DBX2: variants seen among roughly 807,000 people sequenced by gnomAD.
The protein encoded by DBX2 is developing brain homeobox 2, also known as homeobox protein DBX2.
In DBX2, 16 loss-of-function variants were observed where a neutral mutation model predicts 17.7. The ratio of observed to expected loss-of-function variants is 0.90; its 90% CI spans 0.61 to 1.37. The LOEUF (loss-of-function observed/expected upper bound fraction) is 1.37. Ranked by LOEUF, DBX2 falls within the 40% of genes most tolerant of loss-of-function variation. The probability of loss-of-function intolerance (pLI) is 0.00; values close to 1 mark genes in which losing one functional copy is unlikely to be tolerated. For missense variants in DBX2, 538 were observed against 433.8 expected, an observed-to-expected ratio of 1.24 and a Z score of -2.13; for synonymous variants, 255 against 183.8, an observed-to-expected ratio of 1.39 and a Z score of -3.13.
chr12:45,043,825 C>T (rs531350243), intron 1 of DBX2, among the ~76,000 whole-genome samples: 1 of 152,296 alleles, frequency 6.6e-6, no homozygotes, highest in Middle Eastern at 3.4e-3. Flanking sequence ...GGGAAGGAGT[C>T]CTGCACATCT....
At chr12:45,031,376 C>T (rs1380946757) in intron 2 of DBX2, among the ~76,000 whole-genome samples, 1 of 152,058 alleles carries the variant, frequency 6.6e-6, no homozygotes, top group Non-Finnish European at 1.5e-5. Context: ...GGGGGTGCCA[C>T]ATGATAATAC....
chr12:45,040,603 C>T (rs1495042), intron 1 of DBX2, among the ~76,000 whole-genome samples: 57,558 of 151,848 alleles, frequency 0.38, 12,616 homozygotes, highest in South Asian at 0.67. Flanking sequence ...GATACAGATT[C>T]AAGATATCTT....
chr12:45,024,445 T>C (rs1946370185), intron 2 of DBX2, among the ~76,000 whole-genome samples: 1 of 152,208 alleles, frequency 6.6e-6, no homozygotes, highest in South Asian at 2.1e-4. Context: ...CTCCCCATTG[T>C]AGGGGAAATG....
rs181842746 is a variant in DBX2 at position 45,015,804 on chromosome 12, A to G, written c.*482T>C. ...AGAAGTCAGAAAATAGAGAATTTTT[A>G]AAAACATGTTTTTGGGGTATGAAAG... On this transcript the variant is annotated 3_prime_UTR_variant, in exon 4 of 4. Transcript: ENST00000332700. The G allele has an allele frequency of 4.6e-5, 7 of 152,402 alleles. No individual in the cohort carries two copies. Among genetic ancestry groups the G allele is most frequent in the African/African-American group, 1.4e-4 (6 of 41,576 alleles). The allele number at this position is 152,402 out of a possible 1,614,324, so 9.4% of individuals were successfully genotyped here. A position where few individuals can be genotyped will look rare whatever the true frequency, so the allele number is the denominator to read the frequency against.
Position 45,044,093 on chromosome 12 carries a change from T to C in DBX2, c.403+6432A>G, listed in dbSNP as rs191459239. Among the ~76,000 whole-genome samples, 33 of 139,854 alleles carry C rather than the reference T, an allele frequency of 2.4e-4. No individual in the cohort carries two copies. In the East Asian group the frequency reaches 5.8e-3, roughly 25 times the overall value. The allele number at this position is 139,854 out of a possible 152,430, so 91.7% of individuals were successfully genotyped here. A position where few individuals can be genotyped will look rare whatever the true frequency, so the allele number is the denominator to read the frequency against. Reference sequence around the variant, plus strand: ...AGCAAGCGCTGGCATACTTCTATTATAAAAAGCAAGATAGTAAATACTTTA... The same window carrying C: ...AGCAAGCGCTGGCATACTTCTATTACAAAAAGCAAGATAGTAAATACTTTA... On this transcript the variant is annotated intron_variant, in intron 1 of 3. Transcript: ENST00000332700.
In DBX2 at chr12:45,036,122, G is replaced by A. The variant is rs757268338; in HGVS notation, c.404-8C>T. ...GGAAAGGTTTGGAAGGTGCTGCAGA[G>A]AAAGCATTGATCTCATTGATTAGCC... On this transcript the variant is annotated splice_polypyrimidine_tract_variant and splice_region_variant and intron_variant, in intron 1 of 3. Transcript: ENST00000332700. 4.1e-5 allele frequency: 65 copies of A among 1,604,544 alleles called. No homozygotes were observed. Among genetic ancestry groups the A allele is most frequent in the Non-Finnish European group, 5.4e-5 (64 of 1,176,266 alleles).
intron 2 of DBX2, 126 bp from the exon 3 acceptor site, chr12:45,024,020 C>T: frequency 1.1e-6 from 1 of 900,286 alleles, no homozygotes; most frequent in Non-Finnish European, 1.6e-6. Context: ...ACTCTGCTCA[C>T]TTAAAGCAGT....
At position 45,050,987 on chromosome 12, in the gene DBX2, CCCGCA is replaced by C. The variant is rs1166216233; in HGVS notation, c.-65_-61del. 7.5e-7 allele frequency: 1 copy of C among 1,341,448 alleles called. No homozygotes were observed. The highest frequency in any genetic ancestry group is 1.5e-5 in the African/African-American group (1 of 64,642). 83.1% of individuals were successfully genotyped at this position (1,341,448 alleles called of 1,614,324 possible). On this transcript the variant is annotated 5_prime_UTR_variant, in exon 1 of 4. Transcript: ENST00000332700. ...TTGCGCCCGCCTGTCGCCCGGGCGC[CCCGCA>C]CCGCACCCAGAGCCGCAGCTTCTCG...
intron 1 of DBX2, among the ~76,000 whole-genome samples, chr12:45,039,448 T>C (rs115993947): frequency 0.029 from 4,435 of 151,316 alleles, 215 homozygotes; most frequent in African/African-American, 0.099. Flanking sequence ...AAGAATTACT[T>C]GGAAGGTGCT....
chr12:45,033,341 A>C lies in DBX2; in HGVS notation c.499+2678T>G, dbSNP rs149146965. Reference sequence around the variant, plus strand: ...TTATTAAACTTTTTAATATAAACCTAATTTTGGCTGTCTGAGCTGAAACTT... The same window carrying C: ...TTATTAAACTTTTTAATATAAACCTCATTTTGGCTGTCTGAGCTGAAACTT... On this transcript the variant is annotated intron_variant, in intron 2 of 3. Transcript: ENST00000332700. Among the ~76,000 whole-genome samples the C allele has an allele frequency of 1.8e-3, 280 of 152,312 alleles. 2 individuals are homozygous for C. The highest frequency in any genetic ancestry group is 6.5e-3 in the African/African-American group (269 of 41,574).
intron 1 of DBX2, among the ~76,000 whole-genome samples, chr12:45,039,644 C>T (rs930145795): frequency 6.6e-6 from 1 of 151,838 alleles, no homozygotes; most frequent in African/African-American, 2.4e-5. Context: ...GGACTAGCTA[C>T]AAATTTAACA....
At chr12:45,045,995 G>A in intron 1 of DBX2, among the ~76,000 whole-genome samples, 1 of 152,220 alleles carries the variant, frequency 6.6e-6, no homozygotes, top group Admixed American at 6.5e-5. Context: ...CTTCTTATTT[G>A]CCTGCTCCAT....
Position 45,023,858 on chromosome 12 carries a change from G to C in DBX2, c.536C>G (p.Ser179Cys), listed in dbSNP as rs73275596. 1.8e-3 allele frequency: 2,878 copies of C among 1,595,568 alleles called. 31 individuals are homozygous for C. In the African/African-American group the frequency reaches 0.028, roughly 16 times the overall value. ...AATGCCCCTCCGAGCTTTGGAATTA[G>C]AGTCCTGTGTCAGGAGAGGCAGCAT... ...ESMLPLLTQD[S>C]NSKARRGILR... The change falls in exon 3 of 4, where the codon TCT (serine) becomes TGT (cysteine). Residue 179 changes from serine (S) to cysteine (C), a missense_variant. Ser to Cys is a moderately radical substitution (Grantham distance 112). Transcript: ENST00000332700.
Position 45,050,795 on chromosome 12 carries a change from G to C in DBX2, c.133C>G (p.Arg45Gly). Residue 45 changes from arginine to glycine, a missense_variant, in exon 1 of 4, where the codon CGG becomes GGG. By Grantham distance (125) the Arg-to-Gly change is moderately radical (BLOSUM62 -2). Transcript: ENST00000332700. Reference sequence around the variant, plus strand: ...CTGGGCGTTGGGGCGCCCCCGACCCGCAGCAAATTCTCGATCAGGAAACTC... The same window carrying C: ...CTGGGCGTTGGGGCGCCCCCGACCCCCAGCAAATTCTCGATCAGGAAACTC... ...GKSFLIENLL[R>G]VGGAPTPRLQ... 6.6e-7 allele frequency: 1 copy of C among 1,524,832 alleles called. No homozygotes were observed. The highest frequency in any genetic ancestry group is 8.8e-7 in the Non-Finnish European group (1 of 1,137,480). The allele number at this position is 1,524,832 out of a possible 1,614,324, so 94.5% of individuals were successfully genotyped here. A position where few individuals can be genotyped will look rare whatever the true frequency, so the allele number is the denominator to read the frequency against.
Position 45,016,572 on chromosome 12 carries a change from T to G in DBX2, c.734A>C (p.Lys245Thr), listed in dbSNP as rs1251334714. The change falls in exon 4 of 4, where the codon AAA becomes ACA. Residue 245 changes from lysine to threonine, a missense_variant. Coordinates refer to ENST00000332700, the MANE Select transcript of DBX2 (RefSeq NM_001004329.3). ...QNRRMKWRNSKEKEVLSNRCI... is the reference protein window; with the variant it reads ...QNRRMKWRNSTEKEVLSNRCI... ...CCTGTTGGAAAGCACTTCCTTTTCTTTGGAATTCCGCCATTTCATCCTCCT... is the reference window on the plus strand; with the variant it reads ...CCTGTTGGAAAGCACTTCCTTTTCTGTGGAATTCCGCCATTTCATCCTCCT... 1 of 1,559,276 alleles carries G rather than the reference T, an allele frequency of 6.4e-7. No homozygotes were observed. The highest frequency in any genetic ancestry group is 1.4e-5 in the African/African-American group (1 of 72,882).
chr12:45,017,557 C>G (rs1035424508), intron 3 of DBX2, among the ~76,000 whole-genome samples: 5 of 152,170 alleles, frequency 3.3e-5, no homozygotes, highest in African/African-American at 1.2e-4. Context: ...AGGCTTTATA[C>G]AGTTTCCAAG....
intron 1 of DBX2, among the ~76,000 whole-genome samples, chr12:45,047,537 A>T (rs1946506672): frequency 6.6e-6 from 1 of 152,134 alleles, no homozygotes; most frequent in Non-Finnish European, 1.5e-5. Flanking sequence ...ATTTTCAGGG[A>T]TGAAGCACTG....
At position 45,036,013 on chromosome 12, in the gene DBX2, A is replaced by G. The variant is rs374885519; in HGVS notation, c.499+6T>C. 88 of 1,611,680 alleles carry G rather than the reference A, an allele frequency of 5.5e-5. No homozygotes were observed. Among genetic ancestry groups the G allele is most frequent in the Non-Finnish European group, 6.9e-5 (81 of 1,179,204 alleles). ...GAGGCATTGCTGATGAAGGATAAAAACTTACTTGGAAAAGCAGTGGAGGAT... is the reference window on the plus strand; with the variant it reads ...GAGGCATTGCTGATGAAGGATAAAAGCTTACTTGGAAAAGCAGTGGAGGAT... On this transcript the variant is annotated splice_donor_region_variant and intron_variant, in intron 2 of 3. Coordinates refer to ENST00000332700, the MANE Select transcript of DBX2 (RefSeq NM_001004329.3).
chr12:45,016,535 TTCTTGGATACACC>T lies in DBX2; in HGVS notation c.758_770del (p.Arg253LysfsTer2). The T allele has an allele frequency of 6.2e-7, 1 of 1,607,894 alleles. No homozygotes were observed. Among genetic ancestry groups the T allele is most frequent in the Non-Finnish European group, 8.5e-7 (1 of 1,177,900 alleles). ...AGAGGGGATCCTCTTGAAGACCTACTTCTTGGATACACCTGTTGGAAAGCACTTCCTTTTCTTT... is the reference window on the plus strand; with the variant it reads ...AGAGGGGATCCTCTTGAAGACCTACTTGTTGGAAAGCACTTCCTTTTCTTT... On this transcript the variant is annotated frameshift_variant, in exon 4 of 4. Coordinates refer to ENST00000332700, the MANE Select transcript of DBX2 (RefSeq NM_001004329.3). LOFTEE classifies it low-confidence loss of function (END_TRUNC).
Sources: allele counts gnomAD v4.1 joint callset (sites outside exome capture counted in the v4.1 genomes callset), GRCh38; gene constraint gnomAD v4.1.1; transcripts MANE v1.5; gene names NCBI Gene and HGNC (gene_info 2026-07-23, HGNC 2026-07-21).